WWOX: variants seen among roughly 807,000 people sequenced by gnomAD.
WWOX encodes the protein WW domain-containing oxidoreductase.
A neutral mutation model predicts 46.2 loss-of-function variants in WWOX; 69 were observed. That is an observed-to-expected ratio of 1.49 (90% CI 1.23 to 1.82). The LOEUF (loss-of-function observed/expected upper bound fraction) is 1.82, where lower values mean the gene tolerates loss of function less well. WWOX is among the 40% of genes most tolerant of loss of function. The pLI, the probability that WWOX is intolerant of heterozygous loss-of-function variation, is 0.00. For synonymous variants in WWOX, 359 were observed against 202.6 expected, an observed-to-expected ratio of 1.77 and a Z score of -6.56; for missense variants, 919 against 542.6, an observed-to-expected ratio of 1.69 and a Z score of -6.89.
chr16:78,949,288 C>G (rs1016411332), intron 8 of WWOX, among the ~76,000 whole-genome samples: 10 of 152,170 alleles, frequency 6.6e-5, no homozygotes, highest in African/African-American at 2.2e-4. Context: ...CCCACAGCAA[C>G]TGTGCCGTCG....
intron 8 of WWOX, among the ~76,000 whole-genome samples, chr16:79,157,908 T>A (rs540842531): frequency 6.6e-6 from 1 of 152,146 alleles, no homozygotes; most frequent in Non-Finnish European, 1.5e-5. Context: ...GTCCCTATTT[T>A]TCTGGTACCT....
chr16:78,476,679 A>G (rs2151440690), intron 8 of WWOX, among the ~76,000 whole-genome samples: 1 of 152,300 alleles, frequency 6.6e-6, no homozygotes, highest in South Asian at 2.1e-4. Flanking sequence ...GTCCCCCATG[A>G]TCACAGAGGA....
At chr16:78,239,846 T>G (rs1384296383) in intron 5 of WWOX, among the ~76,000 whole-genome samples, 1 of 152,014 alleles carries the variant, frequency 6.6e-6, no homozygotes. Flanking sequence ...GCTCTTCTAG[T>G]TTTTGAAGCT....
At chr16:78,422,042 T>G (rs1451018241) in intron 6 of WWOX, among the ~76,000 whole-genome samples, 2 of 152,216 alleles carry the variant, frequency 1.3e-5, no homozygotes, top group African/African-American at 4.8e-5. Flanking sequence ...TTTTAATATT[T>G]ACTACTAGTG....
At chr16:78,981,594 T>A (rs1420830382) in intron 8 of WWOX, 2 of 152,214 alleles carry the variant, frequency 1.3e-5, no homozygotes, top group Non-Finnish European at 2.9e-5. Context: ...CATGCCACCA[T>A]GCCCAGCTAA....
At chr16:79,059,280 C>T (rs1455107144) in intron 8 of WWOX, among the ~76,000 whole-genome samples, 1 of 152,074 alleles carries the variant, frequency 6.6e-6, no homozygotes, top group Non-Finnish European at 1.5e-5. Context: ...GTAAAAGACA[C>T]CCTCATGTTG....
At position 78,424,587 on chromosome 16, in the gene WWOX, T is replaced by C. The variant is rs8064007; in HGVS notation, c.606-283T>C. On this transcript the variant is annotated intron_variant, in intron 6 of 8. Coordinates refer to ENST00000566780, the MANE Select transcript of WWOX (RefSeq NM_016373.4). ...TGACAACTCTTCGCAGATTGCCTGC[T>C]GCTGTCCTGGTTTTCACACTGAAAG... Among the ~76,000 whole-genome samples, 63,904 of 152,014 alleles carry C rather than the reference T, an allele frequency of 0.42. 16,285 individuals carry two copies. The highest frequency in any genetic ancestry group is 0.72 in the African/African-American group (29,830 of 41,410).
At chr16:78,379,579 T>C (rs1034442176) in intron 5 of WWOX, among the ~76,000 whole-genome samples, 2 of 152,222 alleles carry the variant, frequency 1.3e-5, no homozygotes, top group Non-Finnish European at 2.9e-5. Flanking sequence ...AGGGATTCTT[T>C]TGTTGGAGGT....
At chr16:79,000,962 T>C (rs1237656710) in intron 8 of WWOX, among the ~76,000 whole-genome samples, 1 of 152,160 alleles carries the variant, frequency 6.6e-6, no homozygotes, top group African/African-American at 2.4e-5. Flanking sequence ...GTGGTTCAAC[T>C]ATGAGATTCC....
At chr16:79,055,251 C>A (rs577748034) in intron 8 of WWOX, among the ~76,000 whole-genome samples, 3 of 151,148 alleles carry the variant, frequency 2.0e-5, no homozygotes, top group Non-Finnish European at 4.4e-5. Flanking sequence ...AATTAGCCAG[C>A]CTTTCTAATT....
At chr16:78,959,941 C>A (rs530937254) in intron 8 of WWOX, among the ~76,000 whole-genome samples, 1 of 152,298 alleles carries the variant, frequency 6.6e-6, no homozygotes, top group Non-Finnish European at 1.5e-5. Context: ...TTCTCATTTG[C>A]AACCAAGGTT....
intron 5 of WWOX, among the ~76,000 whole-genome samples, chr16:78,331,943 A>C (rs1179028207): frequency 1.3e-5 from 2 of 152,178 alleles, no homozygotes; most frequent in African/African-American, 4.8e-5. Flanking sequence ...TTGGAGCTGG[A>C]ATTTGAACCA....
intron 1 of WWOX, among the ~76,000 whole-genome samples, chr16:78,101,699 A>T (rs2031804152): frequency 1.3e-5 from 2 of 152,256 alleles, no homozygotes; most frequent in Middle Eastern, 3.4e-3. Context: ...GGTGATTCTA[A>T]TCTATGCAAG....
intron 4 of WWOX, among the ~76,000 whole-genome samples, chr16:78,152,918 A>G (rs554122206): frequency 3.3e-5 from 5 of 152,216 alleles, no homozygotes; most frequent in East Asian, 1.9e-4. Context: ...TTTGATTAAT[A>G]TATTTGAGAT....
chr16:78,820,555 T>C (rs1392245302), intron 8 of WWOX, among the ~76,000 whole-genome samples: 2 of 152,160 alleles, frequency 1.3e-5, no homozygotes, highest in Non-Finnish European at 2.9e-5. Context: ...TTGGGATTAG[T>C]GGATGAACTT....
At position 78,157,511 on chromosome 16, in the gene WWOX, C is replaced by G. The variant is rs75743925; in HGVS notation, c.410-6672C>G. Among the ~76,000 whole-genome samples, 7 of 152,284 alleles carry G rather than the reference C, an allele frequency of 4.6e-5. No homozygotes were observed. The East Asian group carries it at 1.2e-3, about 25-fold the overall frequency. On this transcript the variant is annotated intron_variant, in intron 4 of 8. Transcript: ENST00000566780. ...AAAAACCTTTTACTACCCACACACC[C>G]AAGGGGAGTCAAATGGATTTAGGTG...
chr16:78,368,178 A>C (rs983083539), intron 5 of WWOX, among the ~76,000 whole-genome samples: 1 of 152,228 alleles, frequency 6.6e-6, no homozygotes, highest in Non-Finnish European at 1.5e-5. Flanking sequence ...GAATAAGGCC[A>C]TGTCTGTAAT....
chr16:78,759,983 G>A (rs769420435), intron 8 of WWOX, among the ~76,000 whole-genome samples: 14 of 151,964 alleles, frequency 9.2e-5, no homozygotes, highest in Non-Finnish European at 1.6e-4. Flanking sequence ...CTCTTACAAT[G>A]ACCCTTTTAA....
intron 8 of WWOX, among the ~76,000 whole-genome samples, chr16:79,058,101 T>C (rs925884878): frequency 3.3e-4 from 43 of 128,478 alleles, no homozygotes; most frequent in African/African-American, 1.4e-3. Context: ...GAGATATATC[T>C]TACTTAAAAA....
Sources: allele counts gnomAD v4.1 joint callset (sites outside exome capture counted in the v4.1 genomes callset), GRCh38; gene constraint gnomAD v4.1.1; transcripts MANE v1.5; gene names NCBI Gene and HGNC (gene_info 2026-07-23, HGNC 2026-07-21).